Variants in ACTG2 observed in about 807,000 individuals in gnomAD.
ACTG2 encodes the protein actin, gamma-enteric smooth muscle.
ACTG2 carries 16 observed loss-of-function variants against 37.6 expected under a neutral mutation model. The ratio of observed to expected loss-of-function variants is 0.43; its 90% CI spans 0.29 to 0.65. ACTG2 has a LOEUF of 0.65. Among genes scored for constraint, ACTG2 ranks in the 30% least tolerant of loss-of-function variants. ACTG2 has a pLI of 0.18. For missense variants in ACTG2, 238 were observed against 490.9 expected (o/e 0.48, Z 4.87); for synonymous variants, 181 against 179.9 (o/e 1.01, Z -0.05).
chr2:73,903,020 C>G (rs1679925910), intron 3 of ACTG2: 2 of 379,024 alleles, frequency 5.3e-6, no homozygotes, highest in Non-Finnish European at 9.6e-6. Flanking sequence ...TGGACTGATG[C>G]TAGACTATGA....
In ACTG2 at chr2:73,914,795, G is replaced by T. The variant is rs1398014317; in HGVS notation, c.729G>T (p.Leu243=). ...SSSSLEKSYE[L]PDGQVITIGN... ...CCTCCCTGGAGAAGAGCTATGAGCT[G>T]CCAGATGGGCAGGTTATCACCATTG... Residue 243 remains leucine (L), a synonymous_variant, in exon 7 of 9, where the codon CTG becomes CTT. Transcript: ENST00000345517. The T allele has an allele frequency of 3.7e-6, 6 of 1,612,230 alleles. No individual in the cohort carries two copies. In the South Asian group the frequency reaches 5.5e-5, roughly 15 times the overall value.
chr2:73,906,465 A>AAAAT (rs1553395536), intron 3 of ACTG2, among the ~76,000 whole-genome samples: 3 of 149,742 alleles, frequency 2.0e-5, no homozygotes, highest in South Asian at 2.1e-4. Flanking sequence ...TAAAAAATAA[A>AAAAT]AAATAAATAA....
chr2:73,908,771 A>G lies in ACTG2; in HGVS notation c.354A>G (p.Glu118=), dbSNP rs756128. ...EAPLNPKANR[E]KMTQIMFETF... ...CCCTAAATCCCAAGGCCAACAGGGA[A>G]AAGATGACCCAGGTAAGAAGCCAGG... Residue 118 remains glutamate (E), a synonymous_variant, in exon 4 of 9, where the codon GAA becomes GAG. Coordinates refer to ENST00000345517, the MANE Select transcript of ACTG2 (RefSeq NM_001615.4). 0.65 allele frequency: 1,043,403 copies of G among 1,611,200 alleles called. 342,295 individuals carry two copies. The highest frequency in any genetic ancestry group is 0.78 in the Admixed American group (46,571 of 59,924).
intron 3 of ACTG2, 122 bp from the exon 4 acceptor site, chr2:73,908,548 TCTC>T (rs1680061856): frequency 3.7e-6 from 3 of 816,896 alleles, no homozygotes; most frequent in African/African-American, 3.4e-5. Context: ...GGCTGACCAT[TCTC>T]CTCTCCAGAT....
chr2:73,899,491 T>A (rs1387831023), intron 1 of ACTG2, among the ~76,000 whole-genome samples: 1 of 152,090 alleles, frequency 6.6e-6, no homozygotes, highest in Non-Finnish European at 1.5e-5. Flanking sequence ...ATCTTCTGAT[T>A]CAGCTCATTT....
chr2:73,917,032 C>T (rs528893769), intron 8 of ACTG2, among the ~76,000 whole-genome samples: 1 of 152,196 alleles, frequency 6.6e-6, no homozygotes, highest in South Asian at 2.1e-4. Context: ...AGAATATTAT[C>T]CAGGTGTAAT....
intron 8 of ACTG2, 137 bp from the exon 9 acceptor site, chr2:73,919,295 T>C: frequency 9.6e-7 from 1 of 1,045,386 alleles, no homozygotes; most frequent in Non-Finnish European, 1.4e-6. Context: ...TTTTGAGCAA[T>C]AATCTAATCT....
In ACTG2 at chr2:73,901,321, G is replaced by T. The variant is rs761640844; in HGVS notation, c.10G>T (p.Glu4Ter). The T allele has an allele frequency of 1.2e-6, 2 of 1,607,864 alleles. No homozygotes were observed. The highest frequency in any genetic ancestry group is 2.2e-5 in the East Asian group (1 of 44,616). The part of the protein sequence containing the change: MCE[E>*]ETTALVCDNG... ...CTCAGCCACACACACCATGTGTGAA[G>T]AGGAGACCACCGCGCTCGTGTGTGA... The change falls in exon 2 of 9, where the codon GAG becomes TAG. Residue 4 changes from glutamate to a stop codon, truncating the protein, a stop_gained. Transcript: ENST00000345517. LOFTEE classifies it high-confidence loss of function.
chr2:73,912,426 G>A (rs1680158793), intron 5 of ACTG2, among the ~76,000 whole-genome samples: 1 of 152,146 alleles, frequency 6.6e-6, no homozygotes, highest in Non-Finnish European at 1.5e-5. Flanking sequence ...CAAAGTGCTG[G>A]CATTACAGGC....
intron 8 of ACTG2, 128 bp downstream of exon 8, chr2:73,916,893 T>C: frequency 9.1e-7 from 1 of 1,096,856 alleles, no homozygotes; most frequent in Non-Finnish European, 1.3e-6. Flanking sequence ...CATCCTGGAC[T>C]GGAGCCAATT....
chr2:73,906,752 A>G (rs1381325445), intron 3 of ACTG2, among the ~76,000 whole-genome samples: 1 of 152,206 alleles, frequency 6.6e-6, no homozygotes. Flanking sequence ...TGCTGGGATT[A>G]CAGGCATAAG....
intron 4 of ACTG2, 98 bp from the exon 5 acceptor site, chr2:73,908,957 C>A: frequency 7.5e-7 from 1 of 1,324,934 alleles, no homozygotes; most frequent in Non-Finnish European, 1.1e-6. Context: ...ATCAAACTGG[C>A]ATAGTTCCTG....
intron 7 of ACTG2, among the ~76,000 whole-genome samples, chr2:73,915,985 G>T (rs1361673505): frequency 6.6e-6 from 1 of 152,022 alleles, no homozygotes; most frequent in Non-Finnish European, 1.5e-5. Flanking sequence ...TTGCTTCTGT[G>T]GATATACTGA....
At chr2:73,909,968 A>C (rs1302893588) in intron 5 of ACTG2, among the ~76,000 whole-genome samples, 1 of 152,180 alleles carries the variant, frequency 6.6e-6, no homozygotes, top group Non-Finnish European at 1.5e-5. Context: ...AAATCCCAGC[A>C]CTTTGTGAGG....
At chr2:73,904,248 CAAAAAAAAAAAAAA>C (rs61261289) in intron 3 of ACTG2, among the ~76,000 whole-genome samples, 95 of 65,222 alleles carry the variant, frequency 1.5e-3, no homozygotes, top group East Asian at 5.9e-3. Context: ...GACCATGTCT[CAAAAAAAAAAAAAA>C]AAAAAAAAAA....
chr2:73,901,378 G>A lies in ACTG2; in HGVS notation c.67G>A (p.Ala23Thr), dbSNP rs1553394796. ...CTCTGGCCTGTGCAAGGCAGGCTTC[G>A]CAGGAGATGATGCCCCCCGGGCTGT... The part of the protein sequence containing the change: ...NGSGLCKAGF[A>T]GDDAPRAVFP... The change falls in exon 2 of 9, where the codon GCA (alanine) becomes ACA (threonine). Residue 23 changes from alanine (A) to threonine (T), a missense_variant. By Grantham distance (58) the Ala-to-Thr change is moderately conservative. Transcript: ENST00000345517. 2.5e-6 allele frequency: 4 copies of A among 1,614,176 alleles called. No homozygotes were observed. The highest frequency in any genetic ancestry group is 3.4e-6 in the Non-Finnish European group (4 of 1,180,022).
intron 7 of ACTG2, 39 bp from the exon 8 acceptor site, chr2:73,916,527 GAGGTGTGCATATTTAGGA>G (rs1680271664): frequency 6.7e-7 from 1 of 1,497,428 alleles, no homozygotes. Flanking sequence ...TGAGGAGCTG[GAGGTGTGCATATTTAGGA>G]AGTGATGCCT....
chr2:73,912,388 C>T (rs1350424151), intron 5 of ACTG2, among the ~76,000 whole-genome samples: 2 of 152,220 alleles, frequency 1.3e-5, no homozygotes, highest in Non-Finnish European at 2.9e-5. Context: ...AACTCCTGAC[C>T]TCAAGTGATC....
intron 8 of ACTG2, among the ~76,000 whole-genome samples, chr2:73,917,999 C>A (rs1373065343): frequency 1.3e-5 from 2 of 152,196 alleles, no homozygotes; most frequent in Non-Finnish European, 2.9e-5. Context: ...TGATGCATTT[C>A]CCAATTCATG....
Sources: gnomAD v4.1 joint callset for allele counts (sites outside exome capture counted in the v4.1 genomes callset) on GRCh38, gnomAD v4.1.1 for gene constraint, MANE v1.5 for transcripts, NCBI Gene and HGNC (gene_info 2026-07-23, HGNC 2026-07-21) for gene names.